POF1B: variants seen among roughly 807,000 people sequenced by gnomAD.
The protein encoded by POF1B is protein POF1B.
In POF1B, 53 loss-of-function variants were observed where a neutral mutation model predicts 55.3. That is an observed-to-expected ratio of 0.96 (90% CI 0.77 to 1.20). The LOEUF is 1.20. POF1B is among the 50% of genes most tolerant of loss of function. The probability of loss-of-function intolerance (pLI) is 0.00; values close to 1 mark genes in which losing one functional copy is unlikely to be tolerated. For missense variants in POF1B, 478 were observed against 420.5 expected, an observed-to-expected ratio of 1.14 and a Z score of -1.20; for synonymous variants, 188 against 148.3, an observed-to-expected ratio of 1.27 and a Z score of -1.95.
intron 15 of POF1B, among the ~76,000 whole-genome samples, chrX:85,293,437 A>G: frequency 8.9e-6 from 1 of 111,919 alleles, no homozygotes; most frequent in Non-Finnish European, 1.9e-5. Context: ...CAAATACTGC[A>G]TGTTCTCACT....
chrX:85,370,744 C>T (rs1217361889), intron 2 of POF1B, among the ~76,000 whole-genome samples: 1 of 111,264 alleles, frequency 9.0e-6, no homozygotes, highest in Non-Finnish European at 1.9e-5. Context: ...AGCAAGTCAT[C>T]CCATAAATAG....
At chrX:85,292,801 T>C (rs1569279456) in intron 15 of POF1B, among the ~76,000 whole-genome samples, 2 of 108,974 alleles carry the variant, frequency 1.8e-5, no homozygotes, top group Non-Finnish European at 1.9e-5. Flanking sequence ...AATATCCAGC[T>C]TCTGTAAGGA....
intron 6 of POF1B, among the ~76,000 whole-genome samples, chrX:85,332,105 T>C (rs912113499): frequency 2.7e-5 from 3 of 111,865 alleles, no homozygotes; most frequent in South Asian, 3.7e-4. Context: ...GATTTTTGAA[T>C]TATACTGACT....
chrX:85,353,732 A>G (rs1933432753), intron 4 of POF1B, among the ~76,000 whole-genome samples: 1 of 111,448 alleles, frequency 9.0e-6, no homozygotes, highest in African/African-American at 3.3e-5. Context: ...GCAAGGCTAC[A>G]GATCTATTAC....
At chrX:85,354,895 T>C (rs1191982965) in intron 4 of POF1B, among the ~76,000 whole-genome samples, 1 of 111,354 alleles carries the variant, frequency 9.0e-6, no homozygotes, top group Non-Finnish European at 1.9e-5. Context: ...AGGTAGTTTA[T>C]AGATTCAATG....
chrX:85,322,042 C>A (rs1369303021), intron 7 of POF1B, among the ~76,000 whole-genome samples: 3 of 110,471 alleles, frequency 2.7e-5, no homozygotes, highest in Non-Finnish European at 3.8e-5. Context: ...AGATTCAATG[C>A]CATCCCCATC....
chrX:85,323,531 C>T (rs1309907421), intron 7 of POF1B, among the ~76,000 whole-genome samples: 1 of 108,205 alleles, frequency 9.2e-6, no homozygotes, highest in Non-Finnish European at 1.9e-5. Context: ...ACCAGCATGG[C>T]ACATGTATAC....
Position 85,303,499 on chromosome X carries a change from A to C in POF1B, c.1567-11T>G. On this transcript the variant is annotated splice_polypyrimidine_tract_variant and intron_variant, in intron 14 of 16. Coordinates refer to ENST00000262753, the MANE Select transcript of POF1B (RefSeq NM_024921.4). The stretch of plus-strand genomic sequence containing the variant: ...CAACTTGGAGAGTTCCTTACAAATA[A>C]AAGATAATATAATCATTTGATGGAA... 9.4e-7 allele frequency: 1 copy of C among 1,067,430 alleles called. No individual in the cohort carries two copies. The highest frequency in any genetic ancestry group is 1.9e-5 in the African/African-American group (1 of 53,697). 88.0% of individuals were successfully genotyped at this position (1,067,430 alleles called of 1,213,427 possible). A position where few individuals can be genotyped will look rare whatever the true frequency, so the allele number is the denominator to read the frequency against.
intron 4 of POF1B, among the ~76,000 whole-genome samples, 172 bp downstream of exon 4, chrX:85,359,378 T>C (rs1216313707): frequency 9.0e-6 from 1 of 111,379 alleles, no homozygotes; most frequent in Non-Finnish European, 1.9e-5. Flanking sequence ...TATAGACTCA[T>C]GGTTGTTTGG....
At chrX:85,314,313 C>G in intron 9 of POF1B, 119 bp downstream of exon 9, 3 of 527,471 alleles carry the variant, frequency 5.7e-6, no homozygotes, top group Non-Finnish European at 5.8e-6. Flanking sequence ...ACCAAAGAAT[C>G]CTCAACTCTT....
intron 2 of POF1B, among the ~76,000 whole-genome samples, chrX:85,376,215 G>GA (rs1429474359): frequency 1.8e-5 from 2 of 111,445 alleles, no homozygotes; most frequent in Non-Finnish European, 3.8e-5. Context: ...CTGTATGCAT[G>GA]AAAAATACCT....
Position 85,379,055 on chromosome X carries a change from A to G in POF1B, c.282+118T>C, listed in dbSNP as rs758301403. 348 of 851,447 alleles carry G rather than the reference A, an allele frequency of 4.1e-4. No individual in the cohort carries two copies. In the African/African-American group the frequency reaches 6.5e-3, roughly 16 times the overall value. 70.2% of individuals were successfully genotyped at this position (851,447 alleles called of 1,213,427 possible). ...ATTTGGGTGACTATCCAAGGCATAT[A>G]TAACTGCAATCCACCAAAAGATATC... On this transcript the variant is annotated intron_variant, in intron 2 of 16. Transcript: ENST00000262753.
chrX:85,288,891 A>T (rs1380239011), intron 15 of POF1B, among the ~76,000 whole-genome samples: 1 of 111,909 alleles, frequency 8.9e-6, no homozygotes, highest in African/African-American at 3.3e-5. Flanking sequence ...CAGCAGCGTG[A>T]AAACAAACTA....
intron 15 of POF1B, among the ~76,000 whole-genome samples, chrX:85,283,209 G>A (rs781153513): frequency 9.0e-6 from 1 of 111,190 alleles, no homozygotes; most frequent in African/African-American, 3.3e-5. Flanking sequence ...AACGAAAAAT[G>A]AATAGTCATG....
At chrX:85,333,265 C>T (rs1052915796) in intron 6 of POF1B, among the ~76,000 whole-genome samples, 3 of 110,466 alleles carry the variant, frequency 2.7e-5, no homozygotes, top group Non-Finnish European at 5.7e-5. Context: ...CTACCATATC[C>T]GTGAAAACTA....
chrX:85,329,496 G>T (rs1932942048), intron 7 of POF1B, among the ~76,000 whole-genome samples: 1 of 111,067 alleles, frequency 9.0e-6, no homozygotes, highest in Non-Finnish European at 1.9e-5. Context: ...TGTTCATTCA[G>T]CAACTATCTA....
At chrX:85,324,019 A>T (rs1180715498) in intron 7 of POF1B, among the ~76,000 whole-genome samples, 1 of 111,610 alleles carries the variant, frequency 9.0e-6, no homozygotes, top group Non-Finnish European at 1.9e-5. Flanking sequence ...ATTTAATTAT[A>T]TGGTTTTGAG....
intron 6 of POF1B, among the ~76,000 whole-genome samples, chrX:85,337,212 T>C (rs1933093070): frequency 9.0e-6 from 1 of 111,669 alleles, no homozygotes; most frequent in East Asian, 2.8e-4. Flanking sequence ...CTCTGCAGTA[T>C]AATTTGAAGT....
At chrX:85,307,916 A>G (rs1346212488) in intron 10 of POF1B, among the ~76,000 whole-genome samples, 1 of 111,789 alleles carries the variant, frequency 8.9e-6, no homozygotes, top group African/African-American at 3.2e-5. Context: ...ATAAGTGCAC[A>G]TCCAACATTC....
Sources: gnomAD v4.1 joint callset for allele counts (sites outside exome capture counted in the v4.1 genomes callset) on GRCh38, gnomAD v4.1.1 for gene constraint, MANE v1.5 for transcripts, NCBI Gene and HGNC (gene_info 2026-07-23, HGNC 2026-07-21) for gene names.